TMEM181: variants seen among roughly 807,000 people sequenced by gnomAD.
The protein encoded by TMEM181 is transmembrane protein 181.
A neutral mutation model predicts 71.9 loss-of-function variants in TMEM181; 39 were observed. That is an observed-to-expected ratio of 0.54 (90% confidence interval 0.42 to 0.71). TMEM181 has a LOEUF of 0.71. Ranked by LOEUF, TMEM181 falls within the 30% of genes least tolerant of loss-of-function variation. TMEM181 has a pLI of 0.00. For synonymous variants in TMEM181, 245 were observed against 228.8 expected, an observed-to-expected ratio of 1.07 and a Z score of -0.64; for missense variants, 595 against 583.0, an observed-to-expected ratio of 1.02 and a Z score of -0.21.
At chr6:158,592,323 A>C (rs1784151920) in intron 6 of TMEM181, among the ~76,000 whole-genome samples, 1 of 152,224 alleles carries the variant, frequency 6.6e-6, no homozygotes, top group Non-Finnish European at 1.5e-5. Context: ...AGAGTTCAAG[A>C]ATGAATGTCT....
intron 1 of TMEM181, among the ~76,000 whole-genome samples, chr6:158,571,520 A>G (rs12211311): frequency 0.053 from 4,585 of 85,768 alleles, 861 homozygotes; most frequent in Non-Finnish European, 0.084. Context: ...GGATGGTCTC[A>G]ATCTCCTGAC....
chr6:158,580,915 T>A (rs1444201515), intron 2 of TMEM181, 25 bp from the exon 3 acceptor site: 4 of 1,580,342 alleles, frequency 2.5e-6, no homozygotes, highest in Non-Finnish European at 2.6e-6. Flanking sequence ...ATAATCTGCT[T>A]TTGTCCTTTT....
chr6:158,618,209 A>AT (rs1785729166), intron 10 of TMEM181, among the ~76,000 whole-genome samples: 1 of 152,196 alleles, frequency 6.6e-6, no homozygotes, highest in South Asian at 2.1e-4. Context: ...TTCTTGTTGC[A>AT]TTGATCCCTT....
intron 1 of TMEM181, among the ~76,000 whole-genome samples, chr6:158,567,930 C>T (rs1015129422): frequency 6.6e-6 from 1 of 152,048 alleles, no homozygotes; most frequent in African/African-American, 2.4e-5. Flanking sequence ...CCTGTCTAAA[C>T]TTGATGGAGT....
At position 158,573,426 on chromosome 6, in the gene TMEM181, G is replaced by T; in HGVS notation, c.15G>T (p.Ala5=). The T allele has an allele frequency of 6.3e-7, 1 of 1,580,920 alleles. No homozygotes were observed. Residue 5 remains alanine, a synonymous_variant, in exon 2 of 17, where the codon GCG becomes GCT. Coordinates refer to ENST00000684151, the MANE Select transcript of TMEM181 (RefSeq NM_001376852.1). MEPL[A]PMRLYTLSKR... is the part of the protein sequence containing the mutation. ...TGCTGGCTTCTGCCCCCAGGCTGGCGCCCATGCGGCTCTACACGCTCTCCA... is the reference window on the plus strand; with the variant it reads ...TGCTGGCTTCTGCCCCCAGGCTGGCTCCCATGCGGCTCTACACGCTCTCCA...
At chr6:158,538,999 G>T (rs1021550654) in intron 1 of TMEM181, among the ~76,000 whole-genome samples, 8 of 152,226 alleles carry the variant, frequency 5.3e-5, no homozygotes, top group African/African-American at 1.9e-4. Flanking sequence ...AAGGAATGTG[G>T]ATTTCACTGG....
In TMEM181 at chr6:158,581,023, G is replaced by T. The variant is rs754955359; in HGVS notation, c.168+28G>T. ...AAGACTGGGTCTGAGTGGCAGCTGG[G>T]TGGTGGGGTGCATTATAAACCTCAG... is the stretch of plus-strand genomic sequence containing the variant. On this transcript the variant is annotated intron_variant, in intron 3 of 16. Coordinates refer to ENST00000684151, the MANE Select transcript of TMEM181 (RefSeq NM_001376852.1). 5 of 1,598,130 alleles carry T rather than the reference G, an allele frequency of 3.1e-6. No homozygotes were observed. The Admixed American group carries it at 6.7e-5, about 21-fold the overall frequency.
chr6:158,536,877 G>A, intron 1 of TMEM181: 13 of 1,338,580 alleles, frequency 9.7e-6, no homozygotes, highest in Non-Finnish European at 1.2e-5. Flanking sequence ...TGGGCGCGGC[G>A]CGGGCAGCGG....
At chr6:158,604,039 A>T (rs11963734) in intron 6 of TMEM181, among the ~76,000 whole-genome samples, 1 of 152,252 alleles carries the variant, frequency 6.6e-6, no homozygotes, top group Non-Finnish European at 1.5e-5. Context: ...AGCATTCAGC[A>T]TATGCTACCC....
At position 158,605,304 on chromosome 6, in the gene TMEM181, T is replaced by C; in HGVS notation, c.530T>C (p.Ile177Thr). ...TYNPAFSRLE[I>T]WFRFFFVVLT... ...AACCCTGCCTTCTCCCGGTTGGAAA[T>C]CTGGTTCCGGTTTTTCTTTGTGGTG... Residue 177 changes from isoleucine (I) to threonine (T), a missense_variant, in exon 7 of 17, where the codon ATC becomes ACC. Ile to Thr is a moderately conservative substitution (Grantham distance 89). Coordinates refer to ENST00000684151, the MANE Select transcript of TMEM181 (RefSeq NM_001376852.1). 1 of 1,614,108 alleles carries C rather than the reference T, an allele frequency of 6.2e-7. No individual in the cohort carries two copies. The highest frequency in any genetic ancestry group is 8.5e-7 in the Non-Finnish European group (1 of 1,180,018).
chr6:158,619,502 C>T (rs983500045), intron 10 of TMEM181, among the ~76,000 whole-genome samples: 2 of 152,162 alleles, frequency 1.3e-5, no homozygotes, highest in Non-Finnish European at 2.9e-5. Flanking sequence ...TCTGTCAACT[C>T]GTCAAAGTCA....
chr6:158,571,260 C>CCATCTGCAG (rs1441938138), intron 1 of TMEM181, among the ~76,000 whole-genome samples: 1 of 152,098 alleles, frequency 6.6e-6, no homozygotes, highest in African/African-American at 2.4e-5. Context: ...CCGCGCCCGG[C>CCATCTGCAG]TAATTTTTTG....
At position 158,583,891 on chromosome 6, in the gene TMEM181, G is replaced by A. The variant is rs570959399; in HGVS notation, c.169-63G>A. 20 of 1,224,266 alleles carry A rather than the reference G, an allele frequency of 1.6e-5. No homozygotes were observed. In the East Asian group the frequency reaches 2.4e-4, roughly 15 times the overall value. 75.8% of individuals were successfully genotyped at this position (1,224,266 alleles called of 1,614,324 possible). ...AAAAGTAAACTTTGTGTGTTAAAAC[G>A]ATGAGGTATTTGGTAGACTCAATGA... On this transcript the variant is annotated intron_variant, in intron 3 of 16. Transcript: ENST00000684151.
intron 6 of TMEM181, among the ~76,000 whole-genome samples, chr6:158,601,757 A>G (rs1784680520): frequency 6.8e-6 from 1 of 148,036 alleles, no homozygotes; most frequent in African/African-American, 2.6e-5. Context: ...AGACTGTCTC[A>G]GAAAAAAAAA....
At chr6:158,595,985 G>A (rs767847501) in intron 6 of TMEM181, among the ~76,000 whole-genome samples, 4 of 151,954 alleles carry the variant, frequency 2.6e-5, no homozygotes, top group Non-Finnish European at 4.4e-5. Flanking sequence ...GCAGTGGCGC[G>A]ATCTCGGCTC....
Position 158,625,716 on chromosome 6 carries a change from A to G in TMEM181, c.1071A>G (p.Lys357=). 6.2e-7 allele frequency: 1 copy of G among 1,610,684 alleles called. No individual in the cohort carries two copies. ...RHMPYVDLRL[K]FLTALTFVVL... is the part of the protein sequence containing the mutation. Reference sequence around the variant, plus strand: ...TTTCTTTTTCAGATCTCAGGTTGAAATTTTTGACTGCATTGACTTTCGTAG... The same window carrying G: ...TTTCTTTTTCAGATCTCAGGTTGAAGTTTTTGACTGCATTGACTTTCGTAG... The change falls in exon 13 of 17, where the codon AAA becomes AAG. Residue 357 remains lysine (K), a synonymous_variant. Coordinates refer to ENST00000684151, the MANE Select transcript of TMEM181 (RefSeq NM_001376852.1).
Position 158,632,836 on chromosome 6 carries a change from G to C in TMEM181, c.*948G>C, listed in dbSNP as rs1487230402. On this transcript the variant is annotated 3_prime_UTR_variant, in exon 17 of 17. Coordinates refer to ENST00000684151, the MANE Select transcript of TMEM181 (RefSeq NM_001376852.1). ...TAATCTCAACACTTTGGGAGGCCAA[G>C]GTGGGAGGATCACTTGAGCCCAGGA... is the stretch of plus-strand genomic sequence containing the variant. 6.6e-6 allele frequency: 1 copy of C among 152,476 alleles called. No homozygotes were observed. Among genetic ancestry groups the C allele is most frequent in the African/African-American group, 2.4e-5 (1 of 41,468 alleles). 9.4% of individuals were successfully genotyped at this position (152,476 alleles called of 1,614,324 possible).
At chr6:158,610,329 C>G (rs1785223865) in intron 10 of TMEM181, 1 of 289,630 alleles carries the variant, frequency 3.5e-6, no homozygotes, top group Non-Finnish European at 7.0e-6. Context: ...GATTCTCTTT[C>G]AACAGCTCCC....
At chr6:158,566,219 C>G (rs554421973) in intron 1 of TMEM181, among the ~76,000 whole-genome samples, 101 of 152,148 alleles carry the variant, frequency 6.6e-4, no homozygotes, top group South Asian at 2.1e-3. Flanking sequence ...GCTTGATAGC[C>G]AAACGGGCAT....
Sources: gnomAD v4.1 joint callset for allele counts (sites outside exome capture counted in the v4.1 genomes callset) on GRCh38, gnomAD v4.1.1 for gene constraint, MANE v1.5 for transcripts, NCBI Gene and HGNC (gene_info 2026-07-23, HGNC 2026-07-21) for gene names.